The following HBS1L variants were observed in gnomAD, a reference collection of about 807,000 sequenced individuals.
HBS1L encodes the protein HBS1-like protein.
Under a neutral mutation model 88.9 loss-of-function variants are expected in HBS1L, and 55 were observed. The ratio of observed to expected loss-of-function variants is 0.62; its 90% CI spans 0.50 to 0.77. The LOEUF (loss-of-function observed/expected upper bound fraction) is 0.77, where lower values mean the gene tolerates loss of function less well. Among genes scored for constraint, HBS1L ranks in the 30% least tolerant of loss-of-function variants. The pLI, the probability that HBS1L is intolerant of heterozygous loss-of-function variation, is 0.00. For missense variants in HBS1L, 741 were observed against 829.3 expected, an observed-to-expected ratio of 0.89 and a Z score of 1.31; for synonymous variants, 267 against 288.5, an observed-to-expected ratio of 0.93 and a Z score of 0.76.
At chr6:134,970,281 C>T (rs1004091916) in intron 15 of HBS1L, among the ~76,000 whole-genome samples, 2 of 152,116 alleles carry the variant, frequency 1.3e-5, no homozygotes, top group African/African-American at 4.8e-5. Context: ...TACAGGTGCA[C>T]ACCACCGTGC....
At chr6:134,982,364 GT>G in intron 13 of HBS1L, 93 bp downstream of exon 13, 1 of 704,630 alleles carries the variant, frequency 1.4e-6, no homozygotes, top group East Asian at 2.6e-5. Context: ...TCAGTAAGAG[GT>G]TACTTACTTT....
intron 4 of HBS1L, among the ~76,000 whole-genome samples, chr6:135,016,700 T>C (rs1373437291): frequency 2.6e-5 from 4 of 152,232 alleles, no homozygotes; most frequent in Non-Finnish European, 4.4e-5. Flanking sequence ...TATTGTAAAA[T>C]ATATAGTGCC....
chr6:135,018,692 G>T (rs529277836), intron 4 of HBS1L, among the ~76,000 whole-genome samples: 1 of 151,916 alleles, frequency 6.6e-6, no homozygotes, highest in South Asian at 2.1e-4. Flanking sequence ...TGAAAACTTT[G>T]TTGGACTAGA....
intron 16 of HBS1L, among the ~76,000 whole-genome samples, chr6:134,966,685 A>T (rs1774325908): frequency 2.0e-5 from 3 of 151,758 alleles, no homozygotes; most frequent in Admixed American, 2.0e-4. Context: ...AAGAAACATT[A>T]GGTAGTTCAT....
chr6:135,003,302 G>A (rs915094702), intron 4 of HBS1L, among the ~76,000 whole-genome samples: 8 of 152,104 alleles, frequency 5.3e-5, no homozygotes, highest in Non-Finnish European at 7.3e-5. Flanking sequence ...AATTGTGCTG[G>A]AATATAGTAT....
chr6:135,002,799 A>G lies in HBS1L; in HGVS notation c.474T>C (p.Ile158=), dbSNP rs746681024. The G allele has an allele frequency of 3.7e-6, 6 of 1,613,382 alleles. No individual in the cohort carries two copies. Among genetic ancestry groups the G allele is most frequent in the Non-Finnish European group, 5.1e-6 (6 of 1,179,580 alleles). Residue 158 remains isoleucine (I), a synonymous_variant, in exon 5 of 18, where the codon ATT becomes ATC. Coordinates refer to ENST00000367837, the MANE Select transcript of HBS1L (RefSeq NM_006620.4). ...DSQTSRSESE[I]VPKVAKMTVS... ...CAGTCATTTTAGCAACTTTTGGCAC[A>G]ATTTCAGATTCACTTCGCGATGTCT...
chr6:135,027,561 T>C (rs1776270448), intron 4 of HBS1L, among the ~76,000 whole-genome samples: 4 of 152,014 alleles, frequency 2.6e-5, no homozygotes, highest in Admixed American at 2.6e-4. Context: ...TATAATTAAA[T>C]AAGAAGAAAG....
intron 8 of HBS1L, among the ~76,000 whole-genome samples, chr6:134,992,743 A>G (rs1443378007): frequency 6.6e-6 from 1 of 152,320 alleles, no homozygotes; most frequent in East Asian, 1.9e-4. Context: ...AAAAATTTAA[A>G]TGTTTATAAA....
In HBS1L at chr6:135,054,711, G is replaced by T. The variant is rs113123443; in HGVS notation, c.-20C>A. ...GGCCATGACGGCGGAGAGGGCGTTT[G>T]CCACAGCCCCTTAACTCCTTCCAAA... On this transcript the variant is annotated 5_prime_UTR_variant, in exon 1 of 18. Transcript: ENST00000367837. The T allele has an allele frequency of 4.6e-5, 75 of 1,614,140 alleles. No homozygotes were observed. The African/African-American group carries it at 8.8e-4, about 19-fold the overall frequency.
intron 8 of HBS1L, among the ~76,000 whole-genome samples, chr6:134,991,505 T>C (rs1775137853): frequency 6.6e-6 from 1 of 152,192 alleles, no homozygotes; most frequent in South Asian, 2.1e-4. Context: ...TTTAAAATGG[T>C]GATAATATAC....
intron 8 of HBS1L, among the ~76,000 whole-genome samples, chr6:134,990,718 T>C (rs145286053): frequency 1.3e-5 from 2 of 152,134 alleles, no homozygotes; most frequent in African/African-American, 4.8e-5. Context: ...ACTCAGCTAA[T>C]TTTTTGTATT....
rs182503616 is a variant in HBS1L at position 135,040,808 on chromosome 6, C to G, written c.236-1041G>C. 2.1e-3 allele frequency among the ~76,000 whole-genome samples: 314 copies of G among 152,006 alleles called. 1 individual carries two copies. Among genetic ancestry groups the G allele is most frequent in the African/African-American group, 7.4e-3 (305 of 41,462 alleles). On this transcript the variant is annotated intron_variant, in intron 3 of 17. Transcript: ENST00000367837. ...CAGAGAGGCTTTGTATCCCTAGAAC[C>G]CTTTGTATCTCTAGTACCAGGTAAC...
Position 135,017,992 on chromosome 6 carries a change from CAAAA to C in HBS1L, c.431-15154_431-15151del, listed in dbSNP as rs35746876. Among the ~76,000 whole-genome samples, 575 of 147,076 alleles carry C rather than the reference CAAAA, an allele frequency of 3.9e-3. 4 individuals carry two copies. The highest frequency in any genetic ancestry group is 0.013 in the African/African-American group (512 of 39,568). ...GCTTATTTAAAAACAAACAAACAAA[CAAAA>C]AAAAAAAACAGGGGTTTTCCAGGTA... On this transcript the variant is annotated intron_variant, in intron 4 of 17. Coordinates refer to ENST00000367837, the MANE Select transcript of HBS1L (RefSeq NM_006620.4).
rs1280810993 is a variant in HBS1L at position 134,960,571 on chromosome 6, C to T, written c.*4708G>A. On this transcript the variant is annotated 3_prime_UTR_variant, in exon 18 of 18. Coordinates refer to ENST00000367837, the MANE Select transcript of HBS1L (RefSeq NM_006620.4). ...TTATACTTGTTATTAATATGAAATT[C>T]TCTTAATTTTTTTTTACTTGCTTTA... 1 of 151,954 alleles carries T rather than the reference C, an allele frequency of 6.6e-6. No homozygotes were observed. The highest frequency in any genetic ancestry group is 2.4e-5 in the African/African-American group (1 of 41,372). The allele number at this position is 151,954 out of a possible 1,614,324, so 9.4% of individuals were successfully genotyped here. A position where few individuals can be genotyped will look rare whatever the true frequency, so the allele number is the denominator to read the frequency against.
intron 3 of HBS1L, among the ~76,000 whole-genome samples, chr6:135,040,124 T>C (rs1288413145): frequency 6.6e-6 from 1 of 152,110 alleles, no homozygotes; most frequent in African/African-American, 2.4e-5. Context: ...AAGGGGTGAG[T>C]GTGGAACTAT....
intron 4 of HBS1L, among the ~76,000 whole-genome samples, chr6:135,016,601 A>G (rs1481282511): frequency 6.6e-6 from 1 of 152,214 alleles, no homozygotes; most frequent in Admixed American, 6.5e-5. Context: ...TCAAATTGCT[A>G]AAAATAATAG....
intron 2 of HBS1L, among the ~76,000 whole-genome samples, chr6:135,042,809 G>A (rs535918406): frequency 3.7e-4 from 49 of 132,362 alleles, no homozygotes; most frequent in African/African-American, 1.3e-3. Flanking sequence ...ACAAAACTCC[G>A]TCTCAAAAAA....
chr6:135,043,070 TAAGGA>T (rs1174608429), intron 2 of HBS1L, among the ~76,000 whole-genome samples: 1 of 152,118 alleles, frequency 6.6e-6, no homozygotes, highest in Non-Finnish European at 1.5e-5. Flanking sequence ...TGTATCTCAT[TAAGGA>T]AAGGAAAGGC....
rs1446868072 is a variant in HBS1L at position 134,962,979 on chromosome 6, A to T, written c.*2300T>A. The T allele has an allele frequency of 6.6e-6, 1 of 152,218 alleles. No homozygotes were observed. The highest frequency in any genetic ancestry group is 1.5e-5 in the Non-Finnish European group (1 of 68,048). The allele number at this position is 152,218 out of a possible 1,614,324, so 9.4% of individuals were successfully genotyped here. Reference sequence around the variant, plus strand: ...TCATCAATAAAATGCAAATAAAAAGATTGTACTTAAACACTATTGGAGAAG... The same window carrying T: ...TCATCAATAAAATGCAAATAAAAAGTTTGTACTTAAACACTATTGGAGAAG... On this transcript the variant is annotated 3_prime_UTR_variant, in exon 18 of 18. Transcript: ENST00000367837.
Sources: allele counts gnomAD v4.1 joint callset (sites outside exome capture counted in the v4.1 genomes callset), GRCh38; gene constraint gnomAD v4.1.1; transcripts MANE v1.5; gene names NCBI Gene and HGNC (gene_info 2026-07-23, HGNC 2026-07-21).